ST3GAL1: variants seen among roughly 807,000 people sequenced by gnomAD.
ST3GAL1 encodes ST3 beta-galactoside alpha-2,3-sialyltransferase 1.
In ST3GAL1, 16 loss-of-function variants were observed where a neutral mutation model predicts 34.1. The ratio of observed to expected loss-of-function variants is 0.47; its 90% confidence interval spans 0.32 to 0.71. The LOEUF is 0.71. ST3GAL1 is among the 30% of genes least tolerant of loss of function. The probability of loss-of-function intolerance (pLI) is 0.04; values close to 1 mark genes in which losing one functional copy is unlikely to be tolerated. For missense variants in ST3GAL1, 353 were observed against 447.4 expected (o/e 0.79, Z 1.90); for synonymous variants, 191 against 184.7 (o/e 1.03, Z -0.28).
rs560917301 is a variant in ST3GAL1, at chr8:133,503,299, C to G, written c.-428-4110G>C. Among the ~76,000 whole-genome samples, 16 of 152,334 alleles carry G rather than the reference C, an allele frequency of 1.1e-4. 1 individual carries two copies. The East Asian group carries it at 3.1e-3, about 29-fold the overall frequency. ...AGATAGTCAGGAGAGCCGACTTCCACTCAGGCTCTGCCATTTTGCAGCTCA... is the reference window on the plus strand; with the variant it reads ...AGATAGTCAGGAGAGCCGACTTCCAGTCAGGCTCTGCCATTTTGCAGCTCA... On this transcript the variant is annotated intron_variant, in intron 2 of 9. Coordinates refer to ENST00000522652, the MANE Select transcript of ST3GAL1 (RefSeq NM_173344.3).
At chr8:133,540,168 A>G (rs1218975952) in intron 2 of ST3GAL1, among the ~76,000 whole-genome samples, 2 of 151,988 alleles carry the variant, frequency 1.3e-5, no homozygotes, top group African/African-American at 2.4e-5. Flanking sequence ...TTCTCTCCCC[A>G]TCAGCCTTTC....
In ST3GAL1 at chr8:133,497,455, A is replaced by ATTTTTTTTTTTTTTTTTTTTT. The variant is rs1816988627; in HGVS notation, c.-374+1679_-374+1680insAAAAAAAAAAAAAAAAAAAAA. Among the ~76,000 whole-genome samples, 56 of 101,242 alleles carry ATTTTTTTTTTTTTTTTTTTTT rather than the reference A, an allele frequency of 5.5e-4. 27 individuals are homozygous for ATTTTTTTTTTTTTTTTTTTTT. Among genetic ancestry groups the ATTTTTTTTTTTTTTTTTTTTT allele is most frequent in the South Asian group, 6.5e-4 (2 of 3,070 alleles). 66.4% of individuals were successfully genotyped at this position (101,242 alleles called of 152,430 possible). A position where few individuals can be genotyped will look rare whatever the true frequency, so the allele number is the denominator to read the frequency against. ...CTTCTCTCCCATGCAATTTTGTTGGAATTTTTTTTTTTTTTTTTTTTTTTT... is the reference window on the plus strand; with the variant it reads ...CTTCTCTCCCATGCAATTTTGTTGGATTTTTTTTTTTTTTTTTTTTTATTTTTTTTTTTTTTTTTTTTTTTT... On this transcript the variant is annotated intron_variant, in intron 3 of 9. Coordinates refer to ENST00000522652, the MANE Select transcript of ST3GAL1 (RefSeq NM_173344.3).
chr8:133,457,759 T>G lies in ST3GAL1; in HGVS notation c.*2005A>C, dbSNP rs1299127413. 6.6e-6 allele frequency: 1 copy of G among 152,166 alleles called. No homozygotes were observed. Among genetic ancestry groups the G allele is most frequent in the Non-Finnish European group, 1.5e-5 (1 of 68,052 alleles). The allele number at this position is 152,166 out of a possible 1,614,324, so 9.4% of individuals were successfully genotyped here. ...TTGGCACGCAACTTCCGGGGACTCT[T>G]GTGAATGGCCTGAAGCCACCTGTGA... On this transcript the variant is annotated 3_prime_UTR_variant, in exon 10 of 10. Transcript: ENST00000522652.
chr8:133,511,356 G>A (rs905630721), intron 2 of ST3GAL1, among the ~76,000 whole-genome samples: 8 of 152,306 alleles, frequency 5.3e-5, no homozygotes, highest in Middle Eastern at 3.4e-3. Flanking sequence ...ATAACAGAAG[G>A]GTGGTTGTAT....
intron 2 of ST3GAL1, among the ~76,000 whole-genome samples, chr8:133,505,681 C>T (rs1293313421): frequency 1.3e-5 from 2 of 151,862 alleles, no homozygotes; most frequent in Non-Finnish European, 2.9e-5. Context: ...TGGCTCACTG[C>T]AATCTCCACC....
intron 3 of ST3GAL1, among the ~76,000 whole-genome samples, chr8:133,486,268 A>G (rs1816591418): frequency 6.6e-6 from 1 of 152,206 alleles, no homozygotes; most frequent in Non-Finnish European, 1.5e-5. Context: ...GAGCTGTGGA[A>G]GAGGAACCAG....
At chr8:133,491,930 C>T (rs1403164830) in intron 3 of ST3GAL1, among the ~76,000 whole-genome samples, 1 of 152,194 alleles carries the variant, frequency 6.6e-6, no homozygotes, top group Non-Finnish European at 1.5e-5. Context: ...AAGGGCCCAG[C>T]AGTCAGGAAA....
intron 7 of ST3GAL1, 85 bp downstream of exon 7, chr8:133,464,693 G>GCACAGCAGGAC: frequency 6.8e-7 from 1 of 1,469,594 alleles, no homozygotes; most frequent in South Asian, 1.3e-5. Context: ...CCCGGTGGAG[G>GCACAGCAGGAC]CACAGCAGGA....
chr8:133,476,900 T>C (rs1337708767), intron 3 of ST3GAL1, among the ~76,000 whole-genome samples: 2 of 152,260 alleles, frequency 1.3e-5, no homozygotes, highest in Non-Finnish European at 2.9e-5. Context: ...TCGTGATGCA[T>C]GTAGGTACAA....
Position 133,469,151 on chromosome 8 carries a change from G to A in ST3GAL1, c.307-3061C>T, listed in dbSNP as rs1474598525. On this transcript the variant is annotated intron_variant, in intron 5 of 9. Coordinates refer to ENST00000522652, the MANE Select transcript of ST3GAL1 (RefSeq NM_173344.3). This position sits in a 1 kb window ranked among gnomAD's most constrained non-coding sequence, Gnocchi z 4.3. ...GCTTCACACAGCACCACATCATCCTGCTGGACTCTGACTGACTTACTTTTC... is the reference window on the plus strand; with the variant it reads ...GCTTCACACAGCACCACATCATCCTACTGGACTCTGACTGACTTACTTTTC... Among the ~76,000 whole-genome samples the A allele has an allele frequency of 6.6e-6, 1 of 152,148 alleles. No individual in the cohort carries two copies. Among genetic ancestry groups the A allele is most frequent in the African/African-American group, 2.4e-5 (1 of 41,428 alleles).
chr8:133,551,146 C>G (rs1818823667), intron 1 of ST3GAL1, among the ~76,000 whole-genome samples: 1 of 152,126 alleles, frequency 6.6e-6, no homozygotes, highest in Admixed American at 6.5e-5. Context: ...AGGTGTGCCC[C>G]TAGGGGACAC....
intron 2 of ST3GAL1, among the ~76,000 whole-genome samples, chr8:133,500,229 G>T (rs1047737527): frequency 1.3e-5 from 2 of 152,070 alleles, no homozygotes; most frequent in African/African-American, 4.8e-5. Flanking sequence ...TGTTAAGACC[G>T]CCTGGGCCTC....
intron 3 of ST3GAL1, among the ~76,000 whole-genome samples, chr8:133,482,386 T>C (rs573223412): frequency 7.9e-5 from 12 of 152,312 alleles, no homozygotes; most frequent in African/African-American, 2.4e-4. Context: ...CGTGGCAAAT[T>C]CAGAGAAGAG....
chr8:133,533,690 AG>A (rs1818222383), intron 2 of ST3GAL1, among the ~76,000 whole-genome samples: 1 of 152,104 alleles, frequency 6.6e-6, no homozygotes, highest in South Asian at 2.1e-4. Flanking sequence ...ATCCCCTTCC[AG>A]CTCTTGTTCC....
chr8:133,517,230 T>G (rs1413166275), intron 2 of ST3GAL1, among the ~76,000 whole-genome samples: 1 of 152,382 alleles, frequency 6.6e-6, no homozygotes, highest in Non-Finnish European at 1.5e-5. Context: ...TATGTGACCT[T>G]GAGCAAGTCC....
chr8:133,500,259 G>T (rs1412161107), intron 2 of ST3GAL1, among the ~76,000 whole-genome samples: 1 of 152,062 alleles, frequency 6.6e-6, no homozygotes, highest in Non-Finnish European at 1.5e-5. Context: ...CTCTCCCCAT[G>T]CCCCATCAAT....
At chr8:133,558,286 G>A (rs138425438) in intron 1 of ST3GAL1, among the ~76,000 whole-genome samples, 20 of 152,270 alleles carry the variant, frequency 1.3e-4, no homozygotes, top group African/African-American at 4.1e-4. Flanking sequence ...TTCTGAGCAC[G>A]GTCCAAGTGT....
In ST3GAL1 at chr8:133,553,078, T is replaced by C. The variant is rs570794950; in HGVS notation, c.-581-7152A>G. ...TGCTCAAAGGGATACTGAGTTCAAA[T>C]GTAGAGACGGCGCCAGGGCTGACAT... On this transcript the variant is annotated intron_variant, in intron 1 of 9. Coordinates refer to ENST00000522652, the MANE Select transcript of ST3GAL1 (RefSeq NM_173344.3). 5.3e-5 allele frequency among the ~76,000 whole-genome samples: 8 copies of C among 152,234 alleles called. No individual in the cohort carries two copies. The South Asian group carries it at 1.2e-3, about 24-fold the overall frequency.
At chr8:133,497,455 AATTTTTT>A (rs370853175) in intron 3 of ST3GAL1, among the ~76,000 whole-genome samples, 1,237 of 101,088 alleles carry the variant, frequency 0.012, 142 homozygotes, top group East Asian at 0.12. Context: ...ATTTTGTTGG[AATTTTTT>A]TTTTTTTTTT....
Sources: allele counts gnomAD v4.1 joint callset (sites outside exome capture counted in the v4.1 genomes callset), GRCh38; gene constraint gnomAD v4.1.1; non-coding constraint Gnocchi (gnomAD v3.1); transcripts MANE v1.5; gene names NCBI Gene and HGNC (gene_info 2026-07-23, HGNC 2026-07-21).